COL28A1: variants seen among roughly 807,000 people sequenced by gnomAD.
COL28A1 encodes the protein collagen alpha-1(XXVIII) chain.
A neutral mutation model predicts 150.2 loss-of-function variants in COL28A1; 161 were observed. The ratio of observed to expected loss-of-function variants is 1.07; its 90% CI spans 0.94 to 1.22. The LOEUF (loss-of-function observed/expected upper bound fraction) is 1.22, where lower values mean the gene tolerates loss of function less well. Among genes scored for constraint, COL28A1 ranks in the 50% most tolerant of loss-of-function variants. The pLI is 0.00. For missense variants in COL28A1, 1,617 were observed against 1,388.3 expected, an observed-to-expected ratio of 1.16 and a Z score of -2.62; for synonymous variants, 552 against 469.7, an observed-to-expected ratio of 1.18 and a Z score of -2.26.
intron 18 of COL28A1, 28 bp downstream of exon 18, chr7:7,452,291 T>TA: frequency 6.3e-7 from 1 of 1,594,998 alleles, no homozygotes; most frequent in Non-Finnish European, 8.5e-7. Flanking sequence ...TAAAGTATCA[T>TA]ATCACTTCTG....
the COL28A1 span, among the ~76,000 whole-genome samples, chr7:7,339,369 G>A: frequency 6.6e-6 from 1 of 152,036 alleles, no homozygotes; most frequent in South Asian, 2.1e-4. Flanking sequence ...TAAGGTCTCT[G>A]TATCTGTCCT....
At chr7:7,406,611 G>A (rs977539307) in intron 27 of COL28A1, among the ~76,000 whole-genome samples, 2 of 152,168 alleles carry the variant, frequency 1.3e-5, no homozygotes, top group African/African-American at 4.8e-5. Context: ...GGATAGTGTG[G>A]TCAAGGGTGG....
At chr7:7,444,656 T>A (rs1268528703) in intron 18 of COL28A1, among the ~76,000 whole-genome samples, 167 bp from the exon 19 acceptor site, 1 of 152,030 alleles carries the variant, frequency 6.6e-6, no homozygotes, top group Non-Finnish European at 1.5e-5. Context: ...CCCTAGGCCT[T>A]AGTTTTTGAT....
Position 7,370,774 on chromosome 7 carries a change from T to C in COL28A1, c.3017A>G (p.Glu1006Gly). ...SPQPGFGMSGEELSESTPEPQ... is the reference protein window; with the variant it reads ...SPQPGFGMSGGELSESTPEPQ... ...CTCTGGAGTAGATTCACTGAGTTCT[T>C]CCCCTGACATCCCAAATCCAGGTTG... The change falls in exon 33 of 35, where the codon GAA becomes GGA. Residue 1006 changes from glutamate to glycine, a missense_variant. Physicochemically the swap from Glu to Gly is moderately conservative, Grantham distance 98 (BLOSUM62 -2). Coordinates refer to ENST00000399429, the MANE Select transcript of COL28A1 (RefSeq NM_001037763.3). 6.2e-7 allele frequency: 1 copy of C among 1,613,832 alleles called. No individual in the cohort carries two copies. Among genetic ancestry groups the C allele is most frequent in the Non-Finnish European group, 8.5e-7 (1 of 1,179,798 alleles).
chr7:7,511,758 C>CTGCT lies in COL28A1; in HGVS notation c.883-627_883-624dup, dbSNP rs1467582355. On this transcript the variant is annotated intron_variant, in intron 8 of 34. Transcript: ENST00000399429. The stretch of plus-strand genomic sequence containing the variant: ...AGGTGCCATGATGAGTTAGCGAGGA[C>CTGCT]TGCTGTAGGAGAGCCGGGCTTGGCA... 3 of 470,964 alleles carry CTGCT rather than the reference C, an allele frequency of 6.4e-6. No homozygotes were observed. The Admixed American group carries it at 7.0e-5, about 11-fold the overall frequency. 29.2% of individuals were successfully genotyped at this position (470,964 alleles called of 1,614,324 possible). A position where few individuals can be genotyped will look rare whatever the true frequency, so the allele number is the denominator to read the frequency against.
chr7:7,478,456 C>G (rs148626930), intron 13 of COL28A1, among the ~76,000 whole-genome samples: 58 of 152,394 alleles, frequency 3.8e-4, no homozygotes, highest in Middle Eastern at 3.4e-3. Context: ...CAAGTCCCCA[C>G]TAGACCCAGG....
At chr7:7,429,105 T>C (rs1277825473) in intron 25 of COL28A1, among the ~76,000 whole-genome samples, 2 of 152,228 alleles carry the variant, frequency 1.3e-5, no homozygotes, top group African/African-American at 4.8e-5. Flanking sequence ...GTTTCCTCAT[T>C]TCAAAACACA....
chr7:7,350,789 A>T, the COL28A1 span, among the ~76,000 whole-genome samples: 3 of 151,960 alleles, frequency 2.0e-5, no homozygotes, highest in Admixed American at 6.6e-5. Context: ...GACGTACAAA[A>T]AAAAAGTATC....
At chr7:7,485,924 T>A (rs987081045) in intron 13 of COL28A1, among the ~76,000 whole-genome samples, 6 of 152,202 alleles carry the variant, frequency 3.9e-5, no homozygotes, top group Admixed American at 1.3e-4. Flanking sequence ...TCAAGTTTTT[T>A]AAAAGCTATT....
intron 4 of COL28A1, among the ~76,000 whole-genome samples, chr7:7,522,645 C>T (rs1781788714): frequency 6.6e-6 from 1 of 151,796 alleles, no homozygotes; most frequent in Admixed American, 6.6e-5. Flanking sequence ...GCATAGAGGT[C>T]AGTATTACGC....
rs761701914 is a variant in COL28A1 at position 7,419,888 on chromosome 7, T to C, written c.2064A>G (p.Pro688=). The C allele has an allele frequency of 6.3e-7, 1 of 1,596,928 alleles. No homozygotes were observed. Among genetic ancestry groups the C allele is most frequent in the South Asian group, 1.1e-5 (1 of 87,950 alleles). Residue 688 remains proline (P), a synonymous_variant, in exon 26 of 35, where the codon CCA becomes CCG. Coordinates refer to ENST00000399429, the MANE Select transcript of COL28A1 (RefSeq NM_001037763.3). ...AAGCACTGAGCTGAGGACTCACCTT[T>C]GGCCCTTGGGTTCCTACGCCCCGAG... ...SGPRGVGTQG[P]KGDTGQKGLP...
chr7:7,525,149 C>G (rs1441724761), intron 3 of COL28A1, among the ~76,000 whole-genome samples: 1 of 152,210 alleles, frequency 6.6e-6, no homozygotes, highest in Non-Finnish European at 1.5e-5. Context: ...CAATCAGACT[C>G]AACCTCTTGC....
chr7:7,482,312 G>A (rs1019104377), intron 13 of COL28A1, among the ~76,000 whole-genome samples: 2 of 152,168 alleles, frequency 1.3e-5, no homozygotes, highest in Admixed American at 6.5e-5. Flanking sequence ...ATTACCTGAG[G>A]TCAGGAGTTC....
At chr7:7,383,542 G>T (rs967952099) in intron 27 of COL28A1, among the ~76,000 whole-genome samples, 4 of 151,614 alleles carry the variant, frequency 2.6e-5, no homozygotes, top group Non-Finnish European at 5.9e-5. Context: ...GCCTCCTAAA[G>T]TGCTGGGATT....
intron 27 of COL28A1, among the ~76,000 whole-genome samples, chr7:7,415,620 G>T (rs1456706848): frequency 6.6e-6 from 1 of 152,150 alleles, no homozygotes; most frequent in Non-Finnish European, 1.5e-5. Context: ...TGCAACCTCC[G>T]CCTCCAGGAT....
chr7:7,509,894 A>T (rs58029842), intron 9 of COL28A1, among the ~76,000 whole-genome samples: 2 of 152,122 alleles, frequency 1.3e-5, no homozygotes, highest in African/African-American at 4.8e-5. Flanking sequence ...TCCCATTTTG[A>T]CCAGAGATAA....
intron 25 of COL28A1, among the ~76,000 whole-genome samples, chr7:7,425,227 C>A (rs554594320): frequency 8.5e-5 from 13 of 152,200 alleles, no homozygotes; most frequent in South Asian, 2.1e-4. Context: ...AAAAACCAGG[C>A]AGTCTGAAGC....
rs17460037 is a variant in COL28A1, at chr7:7,476,796, G to T, written c.1233+316C>A. Among the ~76,000 whole-genome samples the T allele has an allele frequency of 4.7e-3, 708 of 152,246 alleles. 5 individuals are homozygous for T. The highest frequency in any genetic ancestry group is 0.022 in the East Asian group (115 of 5,188). On this transcript the variant is annotated intron_variant, in intron 14 of 34. Transcript: ENST00000399429. ...GCAAAGAATTGCCATAGCTACACTC[G>T]ATGATTTAACTTCTGGGCATAAGGA...
intron 27 of COL28A1, among the ~76,000 whole-genome samples, chr7:7,411,617 G>A (rs186179374): frequency 6.6e-6 from 1 of 152,114 alleles, no homozygotes; most frequent in East Asian, 1.9e-4. Context: ...AATTCCAGGT[G>A]TCCCTCATTC....
Sources: gnomAD v4.1 joint callset for allele counts (sites outside exome capture counted in the v4.1 genomes callset) on GRCh38, gnomAD v4.1.1 for gene constraint, MANE v1.5 for transcripts, NCBI Gene and HGNC (gene_info 2026-07-23, HGNC 2026-07-21) for gene names.